The following DDC variants were observed in gnomAD, a reference collection of about 807,000 sequenced individuals.
DDC encodes aromatic-L-amino-acid decarboxylase.
DDC carries 43 observed loss-of-function variants against 60.0 expected under a neutral mutation model. The ratio of observed to expected loss-of-function variants is 0.72; its 90% CI spans 0.56 to 0.92. The LOEUF (loss-of-function observed/expected upper bound fraction) is 0.92, where lower values mean the gene tolerates loss of function less well. Among genes scored for constraint, DDC ranks in the 40% least tolerant of loss-of-function variants. The probability of loss-of-function intolerance (pLI) is 0.00; values close to 1 mark genes in which losing one functional copy is unlikely to be tolerated. For synonymous variants in DDC, 232 were observed against 234.6 expected (o/e 0.99, Z 0.10); for missense variants, 573 against 620.2 (o/e 0.92, Z 0.81).
chr7:50,511,391 C>T (rs969240213), intron 6 of DDC, among the ~76,000 whole-genome samples: 6 of 152,084 alleles, frequency 3.9e-5, no homozygotes, highest in African/African-American at 1.4e-4. Flanking sequence ...TCTGACTAGG[C>T]ATGGTGGCTC....
chr7:50,563,817 G>T (rs2045385946), intron 1 of DDC, among the ~76,000 whole-genome samples: 1 of 152,134 alleles, frequency 6.6e-6, no homozygotes, highest in African/African-American at 2.4e-5. Flanking sequence ...GCCCAGGCTG[G>T]TCTCAAACTC....
chr7:50,509,281 C>G (rs1294778829), intron 6 of DDC, among the ~76,000 whole-genome samples: 1 of 152,230 alleles, frequency 6.6e-6, no homozygotes, highest in Non-Finnish European at 1.5e-5. Flanking sequence ...GCAGAATGTT[C>G]TGGAATTTTG....
At chr7:50,526,943 A>C (rs1263106550) in intron 6 of DDC, among the ~76,000 whole-genome samples, 1 of 152,234 alleles carries the variant, frequency 6.6e-6, no homozygotes, top group Non-Finnish European at 1.5e-5. Flanking sequence ...TATGCACCAA[A>C]TTAATATGCT....
At chr7:50,473,741 G>A (rs1185867385) in intron 11 of DDC, among the ~76,000 whole-genome samples, 2 of 152,208 alleles carry the variant, frequency 1.3e-5, no homozygotes, top group Non-Finnish European at 2.9e-5. Context: ...TAGTGCCAGG[G>A]ATCTCAGCAT....
At chr7:50,551,523 G>A (rs1450165759) in intron 1 of DDC, among the ~76,000 whole-genome samples, 2 of 152,040 alleles carry the variant, frequency 1.3e-5, no homozygotes, top group Admixed American at 6.6e-5. Context: ...GTGAGCCACC[G>A]CGCCCGGCCC....
intron 9 of DDC, chr7:50,492,609 T>G: frequency 1.0e-6 from 1 of 953,362 alleles, no homozygotes; most frequent in Non-Finnish European, 1.3e-6. Context: ...ATCACCCTTC[T>G]CTTGTGGCAG....
At chr7:50,561,036 C>G (rs1044837653) in intron 1 of DDC, 1 of 141,652 alleles carries the variant, frequency 7.1e-6, no homozygotes, top group East Asian at 2.7e-4. Context: ...GTGACTTGCT[C>G]TCTGTCCTCT....
chr7:50,562,332 C>T (rs1430596314), intron 1 of DDC, among the ~76,000 whole-genome samples: 1 of 152,212 alleles, frequency 6.6e-6, no homozygotes, highest in Non-Finnish European at 1.5e-5. Flanking sequence ...ACAATGGAGG[C>T]AGTAAGGAGA....
At chr7:50,558,101 C>A (rs908830415) in intron 1 of DDC, among the ~76,000 whole-genome samples, 2 of 149,014 alleles carry the variant, frequency 1.3e-5, no homozygotes, top group Admixed American at 6.7e-5. Flanking sequence ...AAATTTTTTC[C>A]CTTATTTTTT....
rs1356398217 is a variant in DDC, at chr7:50,544,127, A to G, written c.-28-14T>C. Reference sequence around the variant, plus strand: ...CAGAGGTGAAAACTGCAGAAAGAAAATGATTCAGTGAGCAAATTTTGCAAC... The same window carrying G: ...CAGAGGTGAAAACTGCAGAAAGAAAGTGATTCAGTGAGCAAATTTTGCAAC... On this transcript the variant is annotated splice_polypyrimidine_tract_variant and intron_variant, in intron 1 of 14. Transcript: ENST00000444124. 6.2e-7 allele frequency: 1 copy of G among 1,601,386 alleles called. No homozygotes were observed. The highest frequency in any genetic ancestry group is 2.2e-5 in the East Asian group (1 of 44,830).
At chr7:50,475,454 C>T (rs561533726) in intron 11 of DDC, among the ~76,000 whole-genome samples, 2 of 152,084 alleles carry the variant, frequency 1.3e-5, no homozygotes, top group East Asian at 3.9e-4. Flanking sequence ...CCAAAACTGT[C>T]CTAGGACCAG....
chr7:50,547,286 C>T (rs561101756), intron 1 of DDC, among the ~76,000 whole-genome samples: 3 of 151,982 alleles, frequency 2.0e-5, no homozygotes, highest in African/African-American at 4.8e-5. Context: ...TCTTGGCTCA[C>T]GGCAACCTCT....
At chr7:50,533,569 A>C (rs2044288539) in intron 4 of DDC, among the ~76,000 whole-genome samples, 1 of 152,226 alleles carries the variant, frequency 6.6e-6, no homozygotes, top group South Asian at 2.1e-4. Flanking sequence ...TGTTGGGATT[A>C]CAGGCGTGAG....
intron 1 of DDC, among the ~76,000 whole-genome samples, chr7:50,548,631 T>C (rs1190017019): frequency 6.6e-6 from 1 of 152,174 alleles, no homozygotes; most frequent in Non-Finnish European, 1.5e-5. Context: ...GTTTTGTTCA[T>C]GAGGTTTATG....
At position 50,521,745 on chromosome 7, in the gene DDC, C is replaced by T. The variant is rs996119250; in HGVS notation, c.714+6392G>A. On this transcript the variant is annotated intron_variant, in intron 6 of 14. Transcript: ENST00000444124. ...TAAAAACTCCTAGCAAACTAGGATTCGAGCAGAACATCCTCAACTTGATGA... is the reference window on the plus strand; with the variant it reads ...TAAAAACTCCTAGCAAACTAGGATTTGAGCAGAACATCCTCAACTTGATGA... 3.3e-5 allele frequency among the ~76,000 whole-genome samples: 5 copies of T among 152,128 alleles called. No homozygotes were observed. In the South Asian group the frequency reaches 6.2e-4, roughly 19 times the overall value.
chr7:50,470,025 G>A (rs373148100), intron 12 of DDC, 48 bp downstream of exon 12: 161 of 1,185,262 alleles, frequency 1.4e-4, no homozygotes, highest in African/African-American at 9.8e-4. Context: ...CTAAAGTCCC[G>A]AAAGACCTCC....
chr7:50,478,978 A>G (rs1252371807), intron 10 of DDC, among the ~76,000 whole-genome samples: 1 of 152,252 alleles, frequency 6.6e-6, no homozygotes, highest in Non-Finnish European at 1.5e-5. Context: ...AGCCTACATG[A>G]CTAGTGTAAC....
chr7:50,543,959 G>A lies in DDC; in HGVS notation c.127C>T (p.Pro43Ser). 2.5e-6 allele frequency: 4 copies of A among 1,614,122 alleles called. No individual in the cohort carries two copies. The highest frequency in any genetic ancestry group is 1.1e-5 in the South Asian group (1 of 91,072). ...VEPGYLRPLI[P>S]AAAPQEPDTF... is the part of the protein sequence containing the mutation. ...TCTGGCTCCTGAGGGGCAGCGGCAG[G>A]GATCAGCGGCCGCAGGTACCCGGGC... is the stretch of plus-strand genomic sequence containing the variant. The change falls in exon 2 of 15, where the codon CCT becomes TCT. Residue 43 changes from proline to serine, a missense_variant. Coordinates refer to ENST00000444124, the MANE Select transcript of DDC (RefSeq NM_001082971.2).
At chr7:50,513,421 G>A (rs1034686765) in intron 6 of DDC, among the ~76,000 whole-genome samples, 1 of 152,182 alleles carries the variant, frequency 6.6e-6, no homozygotes, top group Non-Finnish European at 1.5e-5. Context: ...ACTTCACAGG[G>A]AGAAGGAAAT....
Sources: allele counts gnomAD v4.1 joint callset (sites outside exome capture counted in the v4.1 genomes callset), GRCh38; gene constraint gnomAD v4.1.1; transcripts MANE v1.5; gene names NCBI Gene and HGNC (gene_info 2026-07-23, HGNC 2026-07-21).